The following HERC4 variants were observed in gnomAD, a reference collection of about 807,000 sequenced individuals.
HERC4 encodes HECT and RLD domain containing E3 ubiquitin protein ligase 4, also known as probable E3 ubiquitin-protein ligase HERC4.
A neutral mutation model predicts 124.3 loss-of-function variants in HERC4; 28 were observed. The ratio of observed to expected loss-of-function variants is 0.23; its 90% CI spans 0.17 to 0.31. The LOEUF (loss-of-function observed/expected upper bound fraction) is 0.31, where lower values mean the gene tolerates loss of function less well. HERC4 is among the 10% of genes least tolerant of loss of function. The pLI is 1.00. For synonymous variants in HERC4, 407 were observed against 421.5 expected (o/e 0.97, Z 0.42); for missense variants, 713 against 1,229.3 (o/e 0.58, Z 6.28).
intron 22 of HERC4, among the ~76,000 whole-genome samples, chr10:67,934,398 T>G (rs971959639): frequency 6.6e-6 from 1 of 152,200 alleles, no homozygotes; most frequent in Non-Finnish European, 1.5e-5. Context: ...TTTCTCTCCT[T>G]GAGCCCTCCA....
At position 68,012,847 on chromosome 10, in the gene HERC4, C is replaced by T. The variant is rs76188211; in HGVS notation, c.1069+1179G>A. Among the ~76,000 whole-genome samples the T allele has an allele frequency of 7.0e-3, 1,068 of 152,180 alleles. 13 individuals are homozygous for T. Among genetic ancestry groups the T allele is most frequent in the African/African-American group, 0.024 (998 of 41,514 alleles). On this transcript the variant is annotated intron_variant, in intron 9 of 24. Transcript: ENST00000373700. ...GTAAAGCTTATAAGCTTTAGTAATT[C>T]TCGCAATATTTCAATATTTTTCATT...
At chr10:67,976,857 C>T (rs2132579590) in intron 15 of HERC4, among the ~76,000 whole-genome samples, 1 of 152,268 alleles carries the variant, frequency 6.6e-6, no homozygotes, top group East Asian at 1.9e-4. Flanking sequence ...GCATTAAAAC[C>T]CAGCCCTAGC....
At chr10:68,016,715 T>G (rs1008847460) in intron 8 of HERC4, among the ~76,000 whole-genome samples, 2 of 152,144 alleles carry the variant, frequency 1.3e-5, no homozygotes, top group Non-Finnish European at 2.9e-5. Flanking sequence ...AGATACCTAC[T>G]TACACTTCCT....
intron 7 of HERC4, among the ~76,000 whole-genome samples, chr10:68,027,311 A>G (rs149327993): frequency 5.3e-5 from 8 of 152,332 alleles, no homozygotes; most frequent in Middle Eastern, 3.4e-3. Context: ...CTCAGTTTCA[A>G]TAACTGGCAA....
At chr10:67,924,467 A>G (rs2131938892) in intron 24 of HERC4, among the ~76,000 whole-genome samples, 1 of 152,288 alleles carries the variant, frequency 6.6e-6, no homozygotes, top group South Asian at 2.1e-4. Flanking sequence ...ATGTTACTGT[A>G]CTGAATTCTG....
intron 8 of HERC4, among the ~76,000 whole-genome samples, chr10:68,017,111 A>C (rs2133169176): frequency 6.6e-6 from 1 of 152,232 alleles, no homozygotes; most frequent in South Asian, 2.1e-4. Context: ...ACGAGATTTC[A>C]GTGAATGTGA....
chr10:67,995,359 T>TC (rs1589273158), intron 9 of HERC4: 5 of 416,822 alleles, frequency 1.2e-5, no homozygotes, highest in African/African-American at 2.1e-5. Context: ...TTTCTCCCTA[T>TC]TATATAGTTA....
chr10:67,950,979 T>C (rs2033749593), intron 19 of HERC4, among the ~76,000 whole-genome samples: 1 of 152,144 alleles, frequency 6.6e-6, no homozygotes, highest in African/African-American at 2.4e-5. Context: ...AAACCTGGAA[T>C]GTTTACCGTA....
At chr10:67,947,561 A>G (rs1240349232) in intron 19 of HERC4, among the ~76,000 whole-genome samples, 1 of 152,194 alleles carries the variant, frequency 6.6e-6, no homozygotes, top group African/African-American at 2.4e-5. Context: ...CCAAAGATCA[A>G]TAAGGAAATA....
intron 9 of HERC4, among the ~76,000 whole-genome samples, chr10:67,997,837 C>T (rs1427794852): frequency 1.3e-5 from 2 of 152,144 alleles, no homozygotes; most frequent in Admixed American, 6.6e-5. Context: ...ACATAGTCGG[C>T]CCTCTGTATC....
intron 7 of HERC4, among the ~76,000 whole-genome samples, chr10:68,029,473 C>T (rs758563078): frequency 6.6e-6 from 1 of 151,322 alleles, no homozygotes; most frequent in Non-Finnish European, 1.5e-5. Flanking sequence ...GACTGGGTGA[C>T]AGAACAAGAC....
chr10:67,932,650 G>A lies in HERC4; in HGVS notation c.2785C>T (p.Leu929=). 6.2e-7 allele frequency: 1 copy of A among 1,609,774 alleles called. No individual in the cohort carries two copies. Among genetic ancestry groups the A allele is most frequent in the South Asian group, 1.1e-5 (1 of 90,022 alleles). Residue 929 remains leucine (L), a synonymous_variant, in exon 23 of 25, where the codon CTA becomes TTA. Transcript: ENST00000373700. ...KVLLLFQPNE[L]QAMVIGNTNY... is the part of the protein sequence containing the mutation. Reference sequence around the variant, plus strand: ...GTATTTCCAATGACCATTGCTTGTAGTTCATTAGGCTGAAAGAGCAGAAGG... The same window carrying A: ...GTATTTCCAATGACCATTGCTTGTAATTCATTAGGCTGAAAGAGCAGAAGG...
chr10:68,013,431 A>G (rs2038083035), intron 9 of HERC4, among the ~76,000 whole-genome samples: 2 of 152,216 alleles, frequency 1.3e-5, no homozygotes, highest in Non-Finnish European at 2.9e-5. Flanking sequence ...GCTACAACAC[A>G]GATGAACCTT....
At chr10:68,065,059 C>A (rs1445813571) in intron 3 of HERC4, among the ~76,000 whole-genome samples, 1 of 151,692 alleles carries the variant, frequency 6.6e-6, no homozygotes, top group Non-Finnish European at 1.5e-5. Flanking sequence ...CCTAAATATT[C>A]CCAATATTCC....
At chr10:68,041,797 G>T (rs1209672505) in intron 4 of HERC4, among the ~76,000 whole-genome samples, 1 of 152,016 alleles carries the variant, frequency 6.6e-6, no homozygotes, top group Non-Finnish European at 1.5e-5. Context: ...CAGAAATGCA[G>T]GTCTACAGAC....
At chr10:67,967,320 T>C (rs2034948284) in intron 15 of HERC4, among the ~76,000 whole-genome samples, 1 of 152,164 alleles carries the variant, frequency 6.6e-6, no homozygotes, top group Non-Finnish European at 1.5e-5. Context: ...CTGCATTCAG[T>C]ACCCCAAAAT....
intron 15 of HERC4, among the ~76,000 whole-genome samples, chr10:67,987,267 A>G (rs1163796863): frequency 6.6e-6 from 1 of 152,136 alleles, no homozygotes; most frequent in African/African-American, 2.4e-5. Flanking sequence ...AAAATGTTCA[A>G]TTTCCCCCGC....
intron 16 of HERC4, chr10:67,959,183 T>C (rs368936258): frequency 6.6e-7 from 1 of 1,522,048 alleles, no homozygotes; most frequent in Non-Finnish European, 8.9e-7. Flanking sequence ...AAGAGCAATA[T>C]TAGTGTCCAA....
intron 8 of HERC4, among the ~76,000 whole-genome samples, chr10:68,022,552 A>G (rs2038692121): frequency 1.3e-5 from 2 of 151,388 alleles, no homozygotes; most frequent in South Asian, 4.1e-4. Context: ...AAATTCAAAT[A>G]GATCAAAGAC....
Sources: allele counts gnomAD v4.1 joint callset (sites outside exome capture counted in the v4.1 genomes callset), GRCh38; gene constraint gnomAD v4.1.1; transcripts MANE v1.5; gene names NCBI Gene and HGNC (gene_info 2026-07-23, HGNC 2026-07-21).